The following PCDHGB2 variants were observed in gnomAD, a reference collection of about 807,000 sequenced individuals.
PCDHGB2 encodes protocadherin gamma-B2.
A neutral mutation model predicts 59.3 loss-of-function variants in PCDHGB2; 55 were observed. The ratio of observed to expected loss-of-function variants is 0.93; its 90% CI spans 0.75 to 1.16. The LOEUF is 1.16. PCDHGB2 is among the 50% of genes most tolerant of loss of function. PCDHGB2 has a pLI of 0.00. For missense variants in PCDHGB2, 1,228 were observed against 1,198.5 expected, an observed-to-expected ratio of 1.02 and a Z score of -0.36; for synonymous variants, 516 against 512.0, an observed-to-expected ratio of 1.01 and a Z score of -0.11.
At chr5:141,498,467 G>C (rs535351060) in intron 2 of PCDHGB2, among the ~76,000 whole-genome samples, 1 of 152,116 alleles carries the variant, frequency 6.6e-6, no homozygotes, top group East Asian at 1.9e-4. Context: ...GTCTAACCCT[G>C]GTTCCAGCCT....
intron 1 of PCDHGB2, among the ~76,000 whole-genome samples, chr5:141,481,593 G>A (rs575017133): frequency 1.3e-5 from 2 of 152,172 alleles, no homozygotes; most frequent in African/African-American, 2.4e-5. Context: ...TGAGGCCAGC[G>A]GATCACCTGA....
intron 1 of PCDHGB2, among the ~76,000 whole-genome samples, chr5:141,451,908 G>A (rs899191624): frequency 3.9e-5 from 6 of 152,046 alleles, no homozygotes; most frequent in African/African-American, 7.2e-5. Context: ...AAGGGAGGGA[G>A]GGAGGAAGGA....
intron 1 of PCDHGB2, chr5:141,408,178 G>A (rs1425207794): frequency 1.3e-6 from 2 of 1,535,708 alleles, no homozygotes; most frequent in Non-Finnish European, 1.8e-6. Context: ...GAAAAGCGGG[G>A]ACCCAGCGAG....
At chr5:141,402,087 A>G (rs1388054772) in intron 1 of PCDHGB2, among the ~76,000 whole-genome samples, 1 of 152,224 alleles carries the variant, frequency 6.6e-6, no homozygotes, top group Non-Finnish European at 1.5e-5. Context: ...GAAATAGCAG[A>G]AAAGTTTAAG....
chr5:141,463,184 T>A (rs62379194), intron 1 of PCDHGB2, among the ~76,000 whole-genome samples: 5,135 of 152,236 alleles, frequency 0.034, 100 homozygotes, highest in Middle Eastern at 0.088. Context: ...CTCAGATTAT[T>A]ATTTAGCCAA....
intron 1 of PCDHGB2, chr5:141,410,735 T>A (rs2095420224): frequency 1.5e-6 from 2 of 1,336,188 alleles, no homozygotes; most frequent in East Asian, 4.7e-5. Context: ...CATAGCTTTT[T>A]ACAATATTTT....
chr5:141,456,139 C>T (rs999574407), intron 1 of PCDHGB2, among the ~76,000 whole-genome samples: 20 of 152,010 alleles, frequency 1.3e-4, no homozygotes, highest in Admixed American at 9.8e-4. Context: ...CCTCCTGATC[C>T]GCCCGCCTCG....
chr5:141,477,191 A>C lies in PCDHGB2; in HGVS notation c.2422-17616A>C. 1 of 1,614,210 alleles carries C rather than the reference A, an allele frequency of 6.2e-7. No individual in the cohort carries two copies. The highest frequency in any genetic ancestry group is 1.1e-5 in the South Asian group (1 of 91,086). ...GGAGATCACAGTCACCTCCGTGTAC[A>C]GCCCAGTACCCGAGGATGCCCCTCT... On this transcript the variant is annotated intron_variant, in intron 1 of 3. Coordinates refer to ENST00000522605, the MANE Select transcript of PCDHGB2 (RefSeq NM_018923.3). This position sits in a 1 kb window ranked among gnomAD's most constrained non-coding sequence, Gnocchi z 4.9.
At chr5:141,455,661 T>TG (rs2098828692) in intron 1 of PCDHGB2, among the ~76,000 whole-genome samples, 1 of 152,024 alleles carries the variant, frequency 6.6e-6, no homozygotes, top group South Asian at 2.1e-4. Context: ...CAGGAACTTG[T>TG]GGGGCAAGGG....
intron 1 of PCDHGB2, chr5:141,400,304 G>A (rs760976345): frequency 4.3e-6 from 7 of 1,613,930 alleles, no homozygotes; most frequent in African/African-American, 1.3e-5. Context: ...TTCCAACCTG[G>A]TCTCTGTGTC....
chr5:141,397,168 T>C (rs997043690), intron 1 of PCDHGB2, among the ~76,000 whole-genome samples: 3 of 152,202 alleles, frequency 2.0e-5, no homozygotes, highest in Non-Finnish European at 4.4e-5. Context: ...CCAATAACTC[T>C]TAAGAATGAA....
At chr5:141,458,201 TAGTTTAAAATA>T (rs1175017515) in intron 1 of PCDHGB2, among the ~76,000 whole-genome samples, 1 of 152,168 alleles carries the variant, frequency 6.6e-6, no homozygotes, top group Non-Finnish European at 1.5e-5. Context: ...AGGCCATAAA[TAGTTTAAAATA>T]AGTTTCCTTT....
At chr5:141,389,757 C>T in intron 1 of PCDHGB2, 2 of 1,612,818 alleles carry the variant, frequency 1.2e-6, no homozygotes, top group East Asian at 2.2e-5. Flanking sequence ...GGGCGAAGTG[C>T]GCACAGCGCG....
chr5:141,381,844 T>TTTTTTTTC, intron 1 of PCDHGB2, among the ~76,000 whole-genome samples: 1 of 145,182 alleles, frequency 6.9e-6, no homozygotes. Context: ...TTTTTTTTTT[T>TTTTTTTTC]TTTTGGCAGA....
In PCDHGB2 at chr5:141,510,272, T is replaced by TAAA. The variant is rs546154379; in HGVS notation, c.2570-658_2570-656dup. 1.5e-3 allele frequency among the ~76,000 whole-genome samples: 198 copies of TAAA among 130,372 alleles called. 1 individual carries two copies. Among genetic ancestry groups the TAAA allele is most frequent in the Non-Finnish European group, 2.8e-3 (172 of 61,058 alleles). The allele number at this position is 130,372 out of a possible 152,430, so 85.5% of individuals were successfully genotyped here. ...TGGGCGACAGAGCAGGACTCCATCTTAAAAAAAAAAAAAAAAAAATGCTGT... is the reference window on the plus strand; with the variant it reads ...TGGGCGACAGAGCAGGACTCCATCTTAAAAAAAAAAAAAAAAAAAAAATGCTGT... On this transcript the variant is annotated intron_variant, in intron 3 of 3. Coordinates refer to ENST00000522605, the MANE Select transcript of PCDHGB2 (RefSeq NM_018923.3).
At chr5:141,407,276 T>C (rs1393118660) in intron 1 of PCDHGB2, among the ~76,000 whole-genome samples, 2 of 152,292 alleles carry the variant, frequency 1.3e-5, no homozygotes, top group East Asian at 3.9e-4. Context: ...AACAAGAAAA[T>C]TGTTACAATT....
At chr5:141,502,288 G>C (rs2099813700) in intron 2 of PCDHGB2, among the ~76,000 whole-genome samples, 1 of 151,338 alleles carries the variant, frequency 6.6e-6, no homozygotes, top group African/African-American at 2.5e-5. Flanking sequence ...ATTGCATTTG[G>C]TTGTCACGTC....
chr5:141,413,075 AG>A (rs1225722826), intron 1 of PCDHGB2: 11 of 1,246,492 alleles, frequency 8.8e-6, no homozygotes, highest in Non-Finnish European at 1.1e-5. Context: ...TAAAGTGCCC[AG>A]GCTACAGAGA....
intron 1 of PCDHGB2, chr5:141,426,986 C>T (rs764345099): frequency 1.8e-5 from 8 of 456,618 alleles, no homozygotes; most frequent in South Asian, 7.7e-5. Flanking sequence ...CTGATGCCAA[C>T]GATAATGCCC....
Sources: gnomAD v4.1 joint callset for allele counts (sites outside exome capture counted in the v4.1 genomes callset) on GRCh38, gnomAD v4.1.1 for gene constraint, Gnocchi (gnomAD v3.1) non-coding constraint, MANE v1.5 for transcripts, NCBI Gene and HGNC (gene_info 2026-07-23, HGNC 2026-07-21) for gene names.